The following BANK1 variants were observed in gnomAD, a reference collection of about 807,000 sequenced individuals.
BANK1 encodes B-cell scaffold protein with ankyrin repeats.
Under a neutral mutation model 94.5 loss-of-function variants are expected in BANK1, and 95 were observed. The ratio of observed to expected loss-of-function variants is 1.00; its 90% CI spans 0.85 to 1.19. The LOEUF is 1.19. BANK1 is among the 50% of genes most tolerant of loss of function. The pLI is 0.00. For missense variants in BANK1, 987 were observed against 932.2 expected, an observed-to-expected ratio of 1.06 and a Z score of -0.77; for synonymous variants, 334 against 308.4, an observed-to-expected ratio of 1.08 and a Z score of -0.87.
chr4:101,969,244 T>TA (rs1282973430), intron 7 of BANK1, among the ~76,000 whole-genome samples: 2 of 152,126 alleles, frequency 1.3e-5, no homozygotes, highest in Admixed American at 6.6e-5. Context: ...ATCTTTTTTT[T>TA]AAAAAAATCA....
intron 7 of BANK1, among the ~76,000 whole-genome samples, chr4:101,992,036 C>A (rs896829727): frequency 2.0e-5 from 3 of 152,082 alleles, no homozygotes; most frequent in African/African-American, 7.2e-5. Context: ...ACCCATGTTA[C>A]GGAAACCCTT....
intron 1 of BANK1, among the ~76,000 whole-genome samples, chr4:101,803,927 A>G (rs34761248): frequency 0.27 from 37,040 of 135,974 alleles, 5,164 homozygotes; most frequent in Non-Finnish European, 0.32. Flanking sequence ...GAACCCGGGA[A>G]GCGGAGCTTG....
chr4:102,037,862 G>A (rs749722125), intron 10 of BANK1, among the ~76,000 whole-genome samples: 3 of 152,148 alleles, frequency 2.0e-5, no homozygotes, highest in Non-Finnish European at 4.4e-5. Context: ...TAGACACAGA[G>A]GTGAAAGTAG....
chr4:101,900,860 T>G (rs1210461623), intron 6 of BANK1, among the ~76,000 whole-genome samples: 1 of 152,102 alleles, frequency 6.6e-6, no homozygotes, highest in Non-Finnish European at 1.5e-5. Flanking sequence ...ATAGCCTGAA[T>G]GAGATTATTC....
At chr4:102,010,768 C>A (rs1213516679) in intron 7 of BANK1, among the ~76,000 whole-genome samples, 6 of 152,146 alleles carry the variant, frequency 3.9e-5, no homozygotes, top group African/African-American at 9.7e-5. Context: ...CTTTTTTATT[C>A]ATTCACTTAG....
chr4:101,846,314 C>G (rs551502984), intron 2 of BANK1, among the ~76,000 whole-genome samples: 1 of 152,278 alleles, frequency 6.6e-6, no homozygotes, highest in Non-Finnish European at 1.5e-5. Context: ...TCTCAGCAAA[C>G]TATTGCAAGG....
intron 10 of BANK1, among the ~76,000 whole-genome samples, chr4:102,035,672 C>G (rs1266187699): frequency 6.6e-6 from 1 of 151,360 alleles, no homozygotes; most frequent in African/African-American, 2.4e-5. Flanking sequence ...AAAACTGAAC[C>G]CATGTTGATT....
rs545677535 is a variant in BANK1 at position 101,839,293 on chromosome 4, G to C, written c.469+9087G>C. Among the ~76,000 whole-genome samples the C allele has an allele frequency of 3.9e-5, 6 of 152,108 alleles. No individual in the cohort carries two copies. In the East Asian group the frequency reaches 1.2e-3, roughly 29 times the overall value. ...GTTGAAATTACATGGTTTTTTTCAG[G>C]AACTATATTCATTAAATGTTTATGG... On this transcript the variant is annotated intron_variant, in intron 2 of 16. Coordinates refer to ENST00000322953, the MANE Select transcript of BANK1 (RefSeq NM_017935.5).
intron 7 of BANK1, among the ~76,000 whole-genome samples, chr4:102,011,342 ATT>A (rs1726505925): frequency 6.6e-6 from 1 of 152,204 alleles, no homozygotes; most frequent in Non-Finnish European, 1.5e-5. Flanking sequence ...GTCTATGAAG[ATT>A]AGAAATTATT....
intron 11 of BANK1, among the ~76,000 whole-genome samples, chr4:102,050,483 T>A (rs1728011224): frequency 6.6e-6 from 1 of 152,162 alleles, no homozygotes; most frequent in African/African-American, 2.4e-5. Context: ...TCAGCAATAA[T>A]CTCAAAATCA....
chr4:101,902,067 A>G (rs546119987), intron 6 of BANK1, among the ~76,000 whole-genome samples: 46 of 152,240 alleles, frequency 3.0e-4, no homozygotes, highest in Non-Finnish European at 5.1e-4. Context: ...GCCCATCTCC[A>G]GCCAATTTTA....
intron 1 of BANK1, among the ~76,000 whole-genome samples, chr4:101,809,510 T>C (rs1725671066): frequency 6.6e-6 from 1 of 151,984 alleles, no homozygotes; most frequent in African/African-American, 2.4e-5. Context: ...AAATAAAAAA[T>C]AGTGGATACT....
At chr4:101,951,562 A>G (rs1411434835) in intron 7 of BANK1, among the ~76,000 whole-genome samples, 2 of 152,130 alleles carry the variant, frequency 1.3e-5, no homozygotes, top group African/African-American at 4.8e-5. Context: ...TTTGTAATTC[A>G]AAGGATCTTA....
intron 7 of BANK1, among the ~76,000 whole-genome samples, chr4:101,991,573 T>C (rs1378235454): frequency 6.6e-6 from 1 of 152,218 alleles, no homozygotes; most frequent in Non-Finnish European, 1.5e-5. Context: ...ACTTTAAAAA[T>C]GAGCCCAGGA....
At chr4:101,866,695 G>A (rs1728082792) in intron 4 of BANK1, among the ~76,000 whole-genome samples, 1 of 49,876 alleles carries the variant, frequency 2.0e-5, no homozygotes, top group Non-Finnish European at 3.9e-5. Context: ...AAATCATGCT[G>A]CTATAAAGAC....
intron 6 of BANK1, among the ~76,000 whole-genome samples, chr4:101,906,929 T>C (rs907760728): frequency 8.5e-5 from 13 of 152,164 alleles, no homozygotes; most frequent in South Asian, 8.3e-4. Flanking sequence ...CACAGAAATA[T>C]ACAGGTGTGA....
chr4:101,921,448 A>C (rs1722994269), intron 7 of BANK1, among the ~76,000 whole-genome samples: 1 of 151,942 alleles, frequency 6.6e-6, no homozygotes, highest in Non-Finnish European at 1.5e-5. Context: ...ACGTGCATGA[A>C]AAGTTGAAAA....
intron 2 of BANK1, among the ~76,000 whole-genome samples, chr4:101,852,551 A>C (rs1004702703): frequency 2.8e-5 from 4 of 144,604 alleles, no homozygotes; most frequent in Non-Finnish European, 6.0e-5. Flanking sequence ...CTATGTCTTT[A>C]ATTCCTACCA....
At chr4:102,051,461 A>G (rs1337514591) in intron 11 of BANK1, among the ~76,000 whole-genome samples, 2 of 152,222 alleles carry the variant, frequency 1.3e-5, no homozygotes, top group African/African-American at 4.8e-5. Context: ...ATGAAATCAA[A>G]GCACACACAA....
Sources: gnomAD v4.1 joint callset for allele counts (sites outside exome capture counted in the v4.1 genomes callset) on GRCh38, gnomAD v4.1.1 for gene constraint, MANE v1.5 for transcripts, NCBI Gene and HGNC (gene_info 2026-07-23, HGNC 2026-07-21) for gene names.